WBP2: variants seen among roughly 807,000 people sequenced by gnomAD.
WBP2 encodes the protein WW domain-binding protein 2.
In WBP2, 23 loss-of-function variants were observed where a neutral mutation model predicts 33.0. The observed-to-expected ratio is 0.70, with a 90% CI of 0.50 to 0.99. The LOEUF is 0.99. Among genes scored for constraint, WBP2 ranks in the 50% least tolerant of loss-of-function variants. The pLI is 0.00. For synonymous variants in WBP2, 153 were observed against 133.5 expected, an observed-to-expected ratio of 1.15 and a Z score of -1.01; for missense variants, 353 against 358.0, an observed-to-expected ratio of 0.99 and a Z score of 0.11.
chr17:75,855,876 C>T (rs555830248), upstream of WBP2, among the ~76,000 whole-genome samples: 8 of 152,232 alleles, frequency 5.3e-5, no homozygotes, highest in Non-Finnish European at 7.3e-5. Context: ...GGCCCCGGCT[C>T]TTGGGGACGC....
intron 2 of WBP2, among the ~76,000 whole-genome samples, chr17:75,850,892 C>A (rs989899032): frequency 2.0e-5 from 3 of 152,080 alleles, no homozygotes; most frequent in Admixed American, 2.0e-4. Flanking sequence ...TGGGGTTTTG[C>A]CATGTTGCCC....
intron 1 of WBP2, among the ~76,000 whole-genome samples, chr17:75,854,258 C>A (rs1490690965): frequency 6.6e-6 from 1 of 152,130 alleles, no homozygotes; most frequent in Non-Finnish European, 1.5e-5. Context: ...GTACAGGGCT[C>A]TGACTCCACG....
chr17:75,851,725 G>A (rs772157248), intron 1 of WBP2, 49 bp from the exon 2 acceptor site: 286 of 1,415,310 alleles, frequency 2.0e-4, no homozygotes, highest in Non-Finnish European at 2.7e-4. Flanking sequence ...ATGGAGACGC[G>A]ACGTCACCCA....
intron 2 of WBP2, 55 bp downstream of exon 2, chr17:75,851,513 C>T (rs79859763): frequency 3.5e-5 from 48 of 1,375,508 alleles, no homozygotes; most frequent in South Asian, 8.1e-5. Flanking sequence ...CTAAGACTCA[C>T]GTCACCTCCA....
rs2143912430 is a variant in WBP2 at position 75,846,427 on chromosome 17, T to G, written c.*307A>C. 1.4e-5 allele frequency: 6 copies of G among 437,598 alleles called. No individual in the cohort carries two copies. In the East Asian group the frequency reaches 1.4e-4, roughly 10 times the overall value. The allele number at this position is 437,598 out of a possible 1,614,324, so 27.1% of individuals were successfully genotyped here. A position where few individuals can be genotyped will look rare whatever the true frequency, so the allele number is the denominator to read the frequency against. On this transcript the variant is annotated 3_prime_UTR_variant, in exon 8 of 8. Transcript: ENST00000254806. This position sits in a 1 kb window ranked among gnomAD's most constrained non-coding sequence, Gnocchi z 4.8. ...TGCGGTGGAGGAGGTGGCCAGAGAGTCCCTTCGAGGGGAGAAGCTGAGAGT... is the reference window on the plus strand; with the variant it reads ...TGCGGTGGAGGAGGTGGCCAGAGAGGCCCTTCGAGGGGAGAAGCTGAGAGT...
chr17:75,847,176 C>T (rs2064998490), intron 6 of WBP2, 192 bp from the exon 7 acceptor site: 1 of 689,426 alleles, frequency 1.5e-6, no homozygotes, highest in South Asian at 1.8e-5. Flanking sequence ...TCGCATGTCT[C>T]ACCTCATCTA....
chr17:75,855,160 CCCCACCA>C (rs3988221), intron 1 of WBP2, 72 bp downstream of exon 1: 13 of 515,690 alleles, frequency 2.5e-5, no homozygotes, highest in Non-Finnish European at 2.9e-5. Flanking sequence ...GGGGCTTATT[CCCCACCA>C]CCCACCACCC....
At position 75,851,652 on chromosome 17, in the gene WBP2, C is replaced by T; in HGVS notation, c.84G>A (p.Val28=). Reference sequence around the variant, plus strand: ...TCTTCATGTCATTGAATGTGAGTTCCACGTGATCATAGGACATTAGGATGC... The same window carrying T: ...TCTTCATGTCATTGAATGTGAGTTCTACGTGATCATAGGACATTAGGATGC... ...TESILMSYDH[V]ELTFNDMKNV... The change falls in exon 2 of 8, where the codon GTG becomes GTA. Residue 28 remains valine, a synonymous_variant. Coordinates refer to ENST00000254806, the MANE Select transcript of WBP2 (RefSeq NM_012478.4). 6.2e-7 allele frequency: 1 copy of T among 1,613,514 alleles called. No individual in the cohort carries two copies. The highest frequency in any genetic ancestry group is 8.5e-7 in the Non-Finnish European group (1 of 1,179,570).
At position 75,852,045 on chromosome 17, in the gene WBP2, A is replaced by G. The variant is rs576570542; in HGVS notation, c.60-369T>C. On this transcript the variant is annotated intron_variant, in intron 1 of 7. Coordinates refer to ENST00000254806, the MANE Select transcript of WBP2 (RefSeq NM_012478.4). Reference sequence around the variant, plus strand: ...CTTGAACCCAGGAGGCAGAGGTTGCAGTGAGCTGAGATGGCGCCACTGAAC... The same window carrying G: ...CTTGAACCCAGGAGGCAGAGGTTGCGGTGAGCTGAGATGGCGCCACTGAAC... The G allele has an allele frequency of 3.2e-4, 62 of 196,346 alleles. No homozygotes were observed. In the South Asian group the frequency reaches 4.9e-3, roughly 15 times the overall value. 12.2% of individuals were successfully genotyped at this position (196,346 alleles called of 1,614,324 possible).
intron 5 of WBP2, 62 bp downstream of exon 5, chr17:75,847,734 C>T: frequency 6.5e-7 from 1 of 1,536,520 alleles, no homozygotes; most frequent in Non-Finnish European, 8.8e-7. Context: ...TCTCCCTGGC[C>T]TGGGGGGAGC....
intron 5 of WBP2, 79 bp from the exon 6 acceptor site, chr17:75,847,688 T>C: frequency 6.3e-7 from 1 of 1,593,900 alleles, no homozygotes; most frequent in South Asian, 1.1e-5. Flanking sequence ...CCTCTCCAGC[T>C]CCTTCGTTGG....
upstream of WBP2, among the ~76,000 whole-genome samples, chr17:75,855,779 T>C (rs1378459637): frequency 6.6e-6 from 1 of 152,268 alleles, no homozygotes; most frequent in Non-Finnish European, 1.5e-5. Flanking sequence ...AGCGCCGAGC[T>C]GTCCCCTTGT....
At chr17:75,848,910 G>C in intron 3 of WBP2, 2 of 551,164 alleles carry the variant, frequency 3.6e-6, no homozygotes, top group Non-Finnish European at 3.3e-6. Context: ...CTCCTTCCTG[G>C]AACAAGCCTG....
At chr17:75,848,445 C>T (rs943539038) in intron 4 of WBP2, 125 bp downstream of exon 4, 8 of 864,020 alleles carry the variant, frequency 9.3e-6, no homozygotes, top group Non-Finnish European at 1.5e-5. Flanking sequence ...TAGGCCTGGT[C>T]AGCCTGGTGC....
At chr17:75,851,827 C>T (rs1481749871) in intron 1 of WBP2, 151 bp from the exon 2 acceptor site, 14 of 559,800 alleles carry the variant, frequency 2.5e-5, no homozygotes, top group South Asian at 6.9e-5. Context: ...TAGGGCTGGG[C>T]GCGGTGGCTC....
At chr17:75,855,196 AC>A in intron 1 of WBP2, 42 bp downstream of exon 1, 1 of 1,324,296 alleles carries the variant, frequency 7.6e-7, no homozygotes. Flanking sequence ...CTTCCTCGAC[AC>A]CCGAACTTTG....
At chr17:75,852,663 G>A (rs113542791) in intron 1 of WBP2, 14 of 322,574 alleles carry the variant, frequency 4.3e-5, no homozygotes, top group African/African-American at 2.5e-4. Context: ...CACCGTGTTA[G>A]CCAGGATGGT....
At chr17:75,848,121 G>C in intron 4 of WBP2, 191 bp from the exon 5 acceptor site, 4 of 761,144 alleles carry the variant, frequency 5.3e-6, no homozygotes, top group Non-Finnish European at 8.5e-6. Flanking sequence ...GGACGGGAGA[G>C]GTCAGAGCCA....
intron 1 of WBP2, 107 bp downstream of exon 1, chr17:75,855,132 A>C: frequency 1.4e-5 from 8 of 573,866 alleles, no homozygotes; most frequent in Admixed American, 6.7e-5. Flanking sequence ...ACCTCACTCC[A>C]TCAGTGCTCC....
Sources: gnomAD v4.1 joint callset for allele counts (sites outside exome capture counted in the v4.1 genomes callset) on GRCh38, gnomAD v4.1.1 for gene constraint, Gnocchi (gnomAD v3.1) non-coding constraint, MANE v1.5 for transcripts, NCBI Gene and HGNC (gene_info 2026-07-23, HGNC 2026-07-21) for gene names.